The following MAD1L1 variants were observed in gnomAD, a reference collection of about 807,000 sequenced individuals.
MAD1L1 encodes the protein mitotic arrest deficient 1 like 1.
In MAD1L1, 95 loss-of-function variants were observed where a neutral mutation model predicts 96.9. That is an observed-to-expected ratio of 0.98 (90% CI 0.83 to 1.16). The LOEUF is 1.16. Among genes scored for constraint, MAD1L1 ranks in the 50% most tolerant of loss-of-function variants. The pLI, the probability that MAD1L1 is intolerant of heterozygous loss-of-function variation, is 0.00. For missense variants in MAD1L1, 1,007 were observed against 954.4 expected (o/e 1.06, Z -0.73); for synonymous variants, 473 against 396.6 (o/e 1.19, Z -2.29).
At chr7:2,174,290 A>C (rs2128596868) in intron 10 of MAD1L1, among the ~76,000 whole-genome samples, 1 of 152,344 alleles carries the variant, frequency 6.6e-6, no homozygotes, top group East Asian at 1.9e-4. Flanking sequence ...TGCTGTCTAG[A>C]AGCACAAAGC....
chr7:2,146,451 T>C lies in MAD1L1; in HGVS notation c.1073+2701A>G, dbSNP rs1789308945. Among the ~76,000 whole-genome samples the C allele has an allele frequency of 1.3e-5, 2 of 152,192 alleles. No homozygotes were observed. The highest frequency in any genetic ancestry group is 4.8e-5 in the African/African-American group (2 of 41,496). On this transcript the variant is annotated intron_variant, in intron 11 of 18. Coordinates refer to ENST00000265854, the MANE Select transcript of MAD1L1 (RefSeq NM_001013836.2). This position sits in a 1 kb window ranked among gnomAD's most constrained non-coding sequence, Gnocchi z 6.2. ...GTGGAGCCGCACCCTGAGAAGCTCC[T>C]CAGATGGCGAGAACAGCGTTCACTA...
At position 1,980,458 on chromosome 7, in the gene MAD1L1, C is replaced by T. The variant is rs1271936263; in HGVS notation, c.1500G>A (p.Thr500=). The T allele has an allele frequency of 7.4e-6, 12 of 1,611,420 alleles. No homozygotes were observed. The highest frequency in any genetic ancestry group is 6.6e-5 in the South Asian group (6 of 90,422). The change falls in exon 15 of 19, where the codon ACG becomes ACA. Residue 500 remains threonine (T), a synonymous_variant. Coordinates refer to ENST00000265854, the MANE Select transcript of MAD1L1 (RefSeq NM_001013836.2). ...CTCCTCTCTGGGGGACGTACCTGAG[C>T]GTGTCCGCCTCCTCCCTGGAGAACA... ...SFLFSREEAD[T]LRLKVEELEG... is the part of the protein sequence containing the mutation.
intron 10 of MAD1L1, among the ~76,000 whole-genome samples, chr7:2,182,532 G>C (rs534514436): frequency 6.6e-6 from 1 of 152,154 alleles, no homozygotes; most frequent in South Asian, 2.1e-4. Flanking sequence ...TTGAATGTTC[G>C]TAATAGCCAG....
chr7:1,953,627 G>A (rs576337589), intron 16 of MAD1L1, among the ~76,000 whole-genome samples: 2 of 152,294 alleles, frequency 1.3e-5, no homozygotes, highest in Non-Finnish European at 2.9e-5. Context: ...GAAGAATAAA[G>A]TGGCGCGGCG....
chr7:1,901,315 G>A (rs996377934), intron 17 of MAD1L1, among the ~76,000 whole-genome samples: 4 of 152,204 alleles, frequency 2.6e-5, no homozygotes, highest in African/African-American at 7.2e-5. Context: ...CTTTCTTGTC[G>A]GTTGCTCTCA....
At chr7:1,913,922 C>T (rs1788183725) in intron 17 of MAD1L1, among the ~76,000 whole-genome samples, 1 of 152,132 alleles carries the variant, frequency 6.6e-6, no homozygotes, top group Admixed American at 6.5e-5. Context: ...TGCTTGGAGT[C>T]CTGGGTGGCC....
intron 18 of MAD1L1, among the ~76,000 whole-genome samples, chr7:1,878,704 G>A (rs895621123): frequency 2.0e-5 from 3 of 148,622 alleles, no homozygotes; most frequent in Admixed American, 1.4e-4. Context: ...ATGCTTTCTC[G>A]CTAGCATCAG....
At chr7:1,918,280 C>A (rs1305036040) in intron 17 of MAD1L1, among the ~76,000 whole-genome samples, 1 of 152,166 alleles carries the variant, frequency 6.6e-6, no homozygotes, top group Non-Finnish European at 1.5e-5. Context: ...TGTGTCCCAG[C>A]CCTGGGACCT....
intron 18 of MAD1L1, among the ~76,000 whole-genome samples, chr7:1,868,667 T>A (rs944175073): frequency 6.6e-6 from 1 of 152,142 alleles, no homozygotes; most frequent in African/African-American, 2.4e-5. Context: ...CCATGCCGGG[T>A]AGGAGTGACA....
At chr7:2,175,412 C>A (rs1385644047) in intron 10 of MAD1L1, 7 of 149,902 alleles carry the variant, frequency 4.7e-5, no homozygotes, top group African/African-American at 1.7e-4. Context: ...CTAAGTCCAT[C>A]ACCAACTCTC....
At chr7:2,055,454 G>A (rs1189693385) in intron 12 of MAD1L1, among the ~76,000 whole-genome samples, 4 of 152,090 alleles carry the variant, frequency 2.6e-5, no homozygotes, top group African/African-American at 7.2e-5. Context: ...CATGGGGACC[G>A]CAGGCTGCAC....
intron 18 of MAD1L1, 171 bp downstream of exon 18, chr7:1,898,029 G>C: frequency 2.8e-6 from 2 of 704,456 alleles, no homozygotes; most frequent in Non-Finnish European, 2.4e-6. Flanking sequence ...CCAAGGCTGA[G>C]AAGCCTCAGG....
At chr7:2,175,293 G>C (rs1221662510) in intron 10 of MAD1L1, 1 of 152,180 alleles carries the variant, frequency 6.6e-6, no homozygotes, top group Admixed American at 6.5e-5. Context: ...TGGCCACTCT[G>C]GAAGTAAGCA....
At chr7:2,082,827 C>T (rs1045306413) in intron 11 of MAD1L1, among the ~76,000 whole-genome samples, 1 of 152,236 alleles carries the variant, frequency 6.6e-6, no homozygotes, top group Non-Finnish European at 1.5e-5. Flanking sequence ...CACGCCTGTG[C>T]GCCGCACGAC....
At chr7:2,083,565 G>A (rs1785761557) in intron 11 of MAD1L1, among the ~76,000 whole-genome samples, 1 of 152,226 alleles carries the variant, frequency 6.6e-6, no homozygotes, top group African/African-American at 2.4e-5. Context: ...TCAGTGGGTG[G>A]AGGCCAGCGC....
rs1021152340 is a variant in MAD1L1 at position 2,221,331 on chromosome 7, G to C, written c.471+1244C>G. 5.3e-5 allele frequency among the ~76,000 whole-genome samples: 8 copies of C among 152,180 alleles called. No individual in the cohort carries two copies. In the East Asian group the frequency reaches 1.5e-3, roughly 29 times the overall value. On this transcript the variant is annotated intron_variant, in intron 5 of 18. Transcript: ENST00000265854. Reference sequence around the variant, plus strand: ...ATGGGAACTGGAACCCAGAGCATGGGCAAGGCAAGAGCAGCTTCTCGGGAG... The same window carrying C: ...ATGGGAACTGGAACCCAGAGCATGGCCAAGGCAAGAGCAGCTTCTCGGGAG...
intron 16 of MAD1L1, among the ~76,000 whole-genome samples, chr7:1,956,048 G>A (rs187794850): frequency 6.0e-4 from 91 of 152,196 alleles, no homozygotes; most frequent in African/African-American, 2.1e-3. Context: ...ATCCAAGCAG[G>A]GGCCTAGTAT....
chr7:1,990,572 C>G (rs945954995), intron 14 of MAD1L1, among the ~76,000 whole-genome samples: 1 of 152,264 alleles, frequency 6.6e-6, no homozygotes, highest in Non-Finnish European at 1.5e-5. Flanking sequence ...AAAAACAGCC[C>G]AGCCGGAGGG....
intron 16 of MAD1L1, among the ~76,000 whole-genome samples, chr7:1,940,944 ACCCTCCTCTTCCTCCCCCC>A (rs1562545317): frequency 7.3e-5 from 11 of 151,054 alleles, no homozygotes; most frequent in South Asian, 2.1e-4. Flanking sequence ...CCCAGGCCTC[ACCCTCCTCTTCCTCCCCCC>A]GCAGGCCTCA....
Sources: allele counts gnomAD v4.1 joint callset (sites outside exome capture counted in the v4.1 genomes callset), GRCh38; gene constraint gnomAD v4.1.1; non-coding constraint Gnocchi (gnomAD v3.1); transcripts MANE v1.5; gene names NCBI Gene and HGNC (gene_info 2026-07-23, HGNC 2026-07-21).